Variants in PIK3CD observed in about 807,000 individuals in gnomAD.
PIK3CD encodes the protein phosphatidylinositol-4,5-bisphosphate 3-kinase catalytic subunit delta, also known as phosphatidylinositol 4,5-bisphosphate 3-kinase catalytic subunit delta isoform.
A neutral mutation model predicts 122.9 loss-of-function variants in PIK3CD; 20 were observed. That is an observed-to-expected ratio of 0.16 (90% CI 0.11 to 0.24). The LOEUF (loss-of-function observed/expected upper bound fraction) is 0.24. Ranked by LOEUF, PIK3CD falls within the 10% of genes least tolerant of loss-of-function variation. The probability of loss-of-function intolerance (pLI) is 1.00; values close to 1 mark genes in which losing one functional copy is unlikely to be tolerated. For missense variants in PIK3CD, 787 were observed against 1,406.3 expected, an observed-to-expected ratio of 0.56 and a Z score of 7.04; for synonymous variants, 596 against 593.4, an observed-to-expected ratio of 1.00 and a Z score of -0.06.
In PIK3CD at chr1:9,727,164, G is replaced by A; in HGVS notation, c.*118G>A. 2 of 1,172,360 alleles carry A rather than the reference G, an allele frequency of 1.7e-6. No individual in the cohort carries two copies. The highest frequency in any genetic ancestry group is 2.5e-6 in the Non-Finnish European group (2 of 798,722). 72.6% of individuals were successfully genotyped at this position (1,172,360 alleles called of 1,614,324 possible). On this transcript the variant is annotated 3_prime_UTR_variant, in exon 24 of 24. Transcript: ENST00000377346. ...CACCTAACGGGAAAGAACCGACATG[G>A]CTGCCTTTTGTTTACACTGGTTATT...
intron 1 of PIK3CD, among the ~76,000 whole-genome samples, chr1:9,668,932 G>A (rs1047806892): frequency 6.6e-6 from 1 of 152,126 alleles, no homozygotes; most frequent in African/African-American, 2.4e-5. Context: ...CTGTGGTCCT[G>A]CAGCCTCTGG....
intron 1 of PIK3CD, among the ~76,000 whole-genome samples, chr1:9,673,269 T>A (rs983749836): frequency 1.3e-5 from 2 of 151,972 alleles, no homozygotes; most frequent in Admixed American, 6.6e-5. Flanking sequence ...TTTATTTTTT[T>A]AATTTTTTGA....
intron 1 of PIK3CD, among the ~76,000 whole-genome samples, chr1:9,676,078 C>T (rs901019954): frequency 4.6e-5 from 7 of 151,952 alleles, no homozygotes; most frequent in African/African-American, 1.7e-4. Flanking sequence ...ATTGCAGGTG[C>T]CCACCACCAT....
At chr1:9,686,454 G>A (rs1645970447) in intron 1 of PIK3CD, among the ~76,000 whole-genome samples, 1 of 151,048 alleles carries the variant, frequency 6.6e-6, no homozygotes, top group East Asian at 1.9e-4. Context: ...CTCCCACCTC[G>A]GCCTCGCAAA....
chr1:9,649,171 C>G (rs1048808645), upstream of PIK3CD, among the ~76,000 whole-genome samples: 1 of 152,070 alleles, frequency 6.6e-6, no homozygotes, highest in Non-Finnish European at 1.5e-5. Flanking sequence ...GCCACTCCAT[C>G]TTACCCAAGC....
the PIK3CD span, among the ~76,000 whole-genome samples, chr1:9,645,903 C>T: frequency 8.4e-4 from 127 of 151,618 alleles, 1 homozygote; most frequent in East Asian, 0.02. Context: ...TGTGCCTGGC[C>T]GTATTTTTAT....
intron 1 of PIK3CD, among the ~76,000 whole-genome samples, chr1:9,683,054 T>G (rs1371156283): frequency 9.6e-5 from 14 of 146,190 alleles, no homozygotes; most frequent in African/African-American, 2.9e-4. Flanking sequence ...TTTTTTTTTT[T>G]TGGGGGGCTG....
chr1:9,657,137 G>T (rs1644881450), intron 1 of PIK3CD, among the ~76,000 whole-genome samples: 1 of 152,016 alleles, frequency 6.6e-6, no homozygotes, highest in South Asian at 2.1e-4. Flanking sequence ...CTTCACAAGG[G>T]CATCTCCTCC....
At chr1:9,650,826 T>C (rs891875839), upstream of PIK3CD, among the ~76,000 whole-genome samples, 3 of 122,700 alleles carry the variant, frequency 2.4e-5, no homozygotes, top group Non-Finnish European at 4.8e-5. Flanking sequence ...TACTAATACT[T>C]TACCAATGGA....
intron 1 of PIK3CD, among the ~76,000 whole-genome samples, chr1:9,690,148 C>T (rs998070052): frequency 2.0e-5 from 3 of 152,138 alleles, no homozygotes; most frequent in Non-Finnish European, 2.9e-5. Context: ...CGGGACGGAG[C>T]CTCCTGCGCT....
chr1:9,637,584 T>A, the PIK3CD span, among the ~76,000 whole-genome samples: 1 of 151,986 alleles, frequency 6.6e-6, no homozygotes, highest in Non-Finnish European at 1.5e-5. Flanking sequence ...GTCTGAAGTC[T>A]CGGTGGAGAC....
chr1:9,709,598 G>T (rs928701417), intron 2 of PIK3CD, among the ~76,000 whole-genome samples: 5 of 152,052 alleles, frequency 3.3e-5, no homozygotes, highest in African/African-American at 1.2e-4. Flanking sequence ...CCAGCTACTT[G>T]GGAGGGTGAG....
chr1:9,644,683 A>G, the PIK3CD span, among the ~76,000 whole-genome samples: 3 of 152,018 alleles, frequency 2.0e-5, no homozygotes, highest in African/African-American at 7.2e-5. Flanking sequence ...GCCTTGGAGG[A>G]AGCTACCTCA....
At chr1:9,656,128 G>A (rs1218066765) in intron 1 of PIK3CD, among the ~76,000 whole-genome samples, 1 of 152,180 alleles carries the variant, frequency 6.6e-6, no homozygotes, top group Non-Finnish European at 1.5e-5. Flanking sequence ...AATGCCGGAA[G>A]AGTGGGCGGT....
intron 1 of PIK3CD, among the ~76,000 whole-genome samples, chr1:9,670,799 C>T (rs934082477): frequency 5.3e-5 from 8 of 152,008 alleles, no homozygotes; most frequent in Non-Finnish European, 4.4e-5. Flanking sequence ...GCTCTGTCAC[C>T]GAGGCTGGAG....
Position 9,653,718 on chromosome 1 carries a change from C to T in PIK3CD, c.-138+1916C>T, listed in dbSNP as rs1644749623. ...CAAGGAGATATAAATAGAGCTTTCT[C>T]TTTGGCTCTCTCTAGAGCAGAAATG... is the stretch of plus-strand genomic sequence containing the variant. On this transcript the variant is annotated intron_variant, in intron 1 of 23. Transcript: ENST00000377346. The T allele has an allele frequency of 4.8e-6, 5 of 1,050,542 alleles. No individual in the cohort carries two copies. The Admixed American group carries it at 1.1e-4, about 24-fold the overall frequency. 65.1% of individuals were successfully genotyped at this position (1,050,542 alleles called of 1,614,324 possible).
Position 9,691,556 on chromosome 1 carries a change from G to C in PIK3CD, c.-48G>C, listed in dbSNP as rs1041286837. ...GGAGGGGGCTTTGCTGGTCTTTCTTGGACTATTCCAGAGAGGTAGGTTGGG... is the reference window on the plus strand; with the variant it reads ...GGAGGGGGCTTTGCTGGTCTTTCTTCGACTATTCCAGAGAGGTAGGTTGGG... On this transcript the variant is annotated 5_prime_UTR_variant, in exon 2 of 24. Coordinates refer to ENST00000377346, the MANE Select transcript of PIK3CD (RefSeq NM_005026.5). The C allele has an allele frequency of 4.8e-5, 19 of 398,458 alleles. No individual in the cohort carries two copies. The highest frequency in any genetic ancestry group is 7.1e-5 in the Non-Finnish European group (16 of 226,130). The allele number at this position is 398,458 out of a possible 1,614,324, so 24.7% of individuals were successfully genotyped here.
rs1644708518 is a variant in PIK3CD, at chr1:9,652,511, G to C, written c.-138+709G>C. On this transcript the variant is annotated intron_variant, in intron 1 of 23. Coordinates refer to ENST00000377346, the MANE Select transcript of PIK3CD (RefSeq NM_005026.5). This position sits in a 1 kb window ranked among gnomAD's most constrained non-coding sequence, Gnocchi z 6.2. Reference sequence around the variant, plus strand: ...CAGCGGCGCAGGCGAGATCAGCTCCGGATCTGCGGCCGAGCCGGGGTTACG... The same window carrying C: ...CAGCGGCGCAGGCGAGATCAGCTCCCGATCTGCGGCCGAGCCGGGGTTACG... 1 of 152,268 alleles carries C rather than the reference G, an allele frequency of 6.6e-6. No homozygotes were observed. The highest frequency in any genetic ancestry group is 6.5e-5 in the Admixed American group (1 of 15,280). 9.4% of individuals were successfully genotyped at this position (152,268 alleles called of 1,614,324 possible). A position where few individuals can be genotyped will look rare whatever the true frequency, so the allele number is the denominator to read the frequency against.
At chr1:9,627,444 T>A in the PIK3CD span, among the ~76,000 whole-genome samples, 1 of 152,242 alleles carries the variant, frequency 6.6e-6, no homozygotes, top group Non-Finnish European at 1.5e-5. Flanking sequence ...TTTGAATCCC[T>A]GCGCAGCTGC....
Sources: allele counts gnomAD v4.1 joint callset (sites outside exome capture counted in the v4.1 genomes callset), GRCh38; gene constraint gnomAD v4.1.1; non-coding constraint Gnocchi (gnomAD v3.1); transcripts MANE v1.5; gene names NCBI Gene and HGNC (gene_info 2026-07-23, HGNC 2026-07-21).